CERS6: variants seen among roughly 807,000 people sequenced by gnomAD.
CERS6 encodes the protein ceramide synthase 6, also known as LAG1 homolog, ceramide synthase 6.
In CERS6, 26 loss-of-function variants were observed where a neutral mutation model predicts 56.8. The ratio of observed to expected loss-of-function variants is 0.46; its 90% CI spans 0.34 to 0.63. The LOEUF is 0.63. Ranked by LOEUF, CERS6 falls within the 30% of genes least tolerant of loss-of-function variation. The pLI is 0.01. For missense variants in CERS6, 415 were observed against 467.5 expected, an observed-to-expected ratio of 0.89 and a Z score of 1.04; for synonymous variants, 164 against 173.3, an observed-to-expected ratio of 0.95 and a Z score of 0.42.
intron 1 of CERS6, among the ~76,000 whole-genome samples, chr2:168,531,681 C>G (rs1054599740): frequency 1.3e-5 from 2 of 151,934 alleles, no homozygotes; most frequent in African/African-American, 2.4e-5. Context: ...ATTAGCCAGG[C>G]GTGGTGGCAG....
intron 4 of CERS6, among the ~76,000 whole-genome samples, chr2:168,645,134 TATATATATAGAGAG>T (rs1393822433): frequency 2.3e-4 from 9 of 38,824 alleles, no homozygotes; most frequent in African/African-American, 3.8e-4. Flanking sequence ...TATATATATA[TATATATATAGAGAG>T]AGAGAGAGAG....
chr2:168,612,484 G>C (rs906647371), intron 3 of CERS6, among the ~76,000 whole-genome samples: 2 of 152,298 alleles, frequency 1.3e-5, no homozygotes, highest in Middle Eastern at 3.4e-3. Flanking sequence ...CAGGGTTAAG[G>C]CTTTTTTGTG....
At chr2:168,551,607 A>G (rs1420500097) in intron 2 of CERS6, among the ~76,000 whole-genome samples, 83 of 152,216 alleles carry the variant, frequency 5.5e-4, no homozygotes, top group Non-Finnish European at 5.9e-5. Context: ...GGGTTAAATA[A>G]TCATGTAAAT....
chr2:168,615,317 C>T lies in CERS6; in HGVS notation c.408-15668C>T, dbSNP rs575687448. ...TATGACAAAACAAGTTTCTTTAACA[C>T]CCCCGAAAAATCACACCAGCTCACC... is the stretch of plus-strand genomic sequence containing the variant. On this transcript the variant is annotated intron_variant, in intron 3 of 9. Transcript: ENST00000305747. Among the ~76,000 whole-genome samples the T allele has an allele frequency of 2.4e-4, 37 of 152,144 alleles. No individual in the cohort carries two copies. The South Asian group carries it at 5.4e-3, about 22-fold the overall frequency.
intron 1 of CERS6, among the ~76,000 whole-genome samples, chr2:168,467,706 G>A (rs957952412): frequency 6.6e-5 from 10 of 152,150 alleles, no homozygotes; most frequent in African/African-American, 2.2e-4. Context: ...GCAGTATTGA[G>A]CACTCTCTGC....
At chr2:168,475,616 A>G (rs896340837) in intron 1 of CERS6, among the ~76,000 whole-genome samples, 2 of 152,202 alleles carry the variant, frequency 1.3e-5, no homozygotes, top group East Asian at 1.9e-4. Context: ...GTGATTATAT[A>G]TAATATTTTT....
intron 3 of CERS6, among the ~76,000 whole-genome samples, chr2:168,617,823 A>G (rs1266772121): frequency 2.0e-5 from 3 of 152,202 alleles, no homozygotes; most frequent in African/African-American, 7.2e-5. Context: ...ATTGGTACCA[A>G]TCCTATTGAC....
intron 8 of CERS6, among the ~76,000 whole-genome samples, chr2:168,744,632 G>A (rs1684045342): frequency 6.6e-6 from 1 of 152,160 alleles, no homozygotes. Flanking sequence ...TTGAGGCTCT[G>A]CTGTCCTCAA....
At chr2:168,555,983 GA>G (rs1381782261) in intron 2 of CERS6, among the ~76,000 whole-genome samples, 3 of 151,806 alleles carry the variant, frequency 2.0e-5, no homozygotes, top group Non-Finnish European at 4.4e-5. Context: ...TGTTTATTGT[GA>G]ATATTTAAGA....
At chr2:168,741,979 C>T (rs1278906558) in intron 8 of CERS6, among the ~76,000 whole-genome samples, 4 of 152,166 alleles carry the variant, frequency 2.6e-5, no homozygotes, top group African/African-American at 9.7e-5. Flanking sequence ...AGGTCCCGCC[C>T]AACTTCAGTC....
chr2:168,652,033 C>G (rs1388657552), intron 4 of CERS6, among the ~76,000 whole-genome samples: 2 of 150,364 alleles, frequency 1.3e-5, no homozygotes, highest in African/African-American at 4.9e-5. Flanking sequence ...CTGCCCCCCA[C>G]CCCCTTTTTT....
At chr2:168,612,377 A>G (rs1476880208) in intron 3 of CERS6, among the ~76,000 whole-genome samples, 1 of 152,242 alleles carries the variant, frequency 6.6e-6, no homozygotes, top group Non-Finnish European at 1.5e-5. Context: ...TTAATGTTAG[A>G]ACAATATCTT....
chr2:168,729,861 T>C (rs1428270936), intron 8 of CERS6, among the ~76,000 whole-genome samples: 1 of 152,256 alleles, frequency 6.6e-6, no homozygotes. Context: ...GAATCATTTC[T>C]TCTTTATCGA....
chr2:168,461,497 A>G (rs1693780307), intron 1 of CERS6, among the ~76,000 whole-genome samples: 1 of 151,838 alleles, frequency 6.6e-6, no homozygotes, highest in African/African-American at 2.4e-5. Context: ...CTGCAGACAT[A>G]AATAGCTTCT....
chr2:168,702,283 G>A (rs539478766), intron 6 of CERS6, among the ~76,000 whole-genome samples: 1 of 152,254 alleles, frequency 6.6e-6, no homozygotes, highest in South Asian at 2.1e-4. Context: ...GAAAAATGCA[G>A]TTCTTTTTCT....
At chr2:168,513,267 CAT>C (rs1451948152) in intron 1 of CERS6, among the ~76,000 whole-genome samples, 8 of 152,122 alleles carry the variant, frequency 5.3e-5, no homozygotes, top group African/African-American at 1.9e-4. Flanking sequence ...TAATGTAGCC[CAT>C]GTTACAATTT....
intron 6 of CERS6, among the ~76,000 whole-genome samples, chr2:168,710,678 G>T (rs574169008): frequency 6.6e-6 from 1 of 152,278 alleles, no homozygotes; most frequent in African/African-American, 2.4e-5. Flanking sequence ...AATTTTTATT[G>T]TATGTCTAAG....
At chr2:168,537,490 A>T (rs1048948272) in intron 1 of CERS6, among the ~76,000 whole-genome samples, 3 of 152,106 alleles carry the variant, frequency 2.0e-5, no homozygotes, top group African/African-American at 7.2e-5. Flanking sequence ...TGTTTTTCAG[A>T]TTTTATTCTA....
intron 6 of CERS6, among the ~76,000 whole-genome samples, chr2:168,702,363 C>T (rs905022673): frequency 6.6e-6 from 1 of 152,152 alleles, no homozygotes; most frequent in Non-Finnish European, 1.5e-5. Flanking sequence ...GTTATTCCAA[C>T]TTGTGTATTT....
Sources: gnomAD v4.1 joint callset for allele counts (sites outside exome capture counted in the v4.1 genomes callset) on GRCh38, gnomAD v4.1.1 for gene constraint, MANE v1.5 for transcripts, NCBI Gene and HGNC (gene_info 2026-07-23, HGNC 2026-07-21) for gene names.